The following MYO7A variants were observed in gnomAD, a reference collection of about 807,000 sequenced individuals.
MYO7A encodes myosin VIIA, also known as unconventional myosin-VIIa.
Under a neutral mutation model 263.8 loss-of-function variants are expected in MYO7A, and 210 were observed. The ratio of observed to expected loss-of-function variants is 0.80; its 90% CI spans 0.71 to 0.89. The LOEUF is 0.89. Ranked by LOEUF, MYO7A falls within the 40% of genes least tolerant of loss-of-function variation. The pLI, the probability that MYO7A is intolerant of heterozygous loss-of-function variation, is 0.00. For synonymous variants in MYO7A, 1,239 were observed against 1,197.3 expected, an observed-to-expected ratio of 1.03 and a Z score of -0.72; for missense variants, 2,820 against 2,968.3, an observed-to-expected ratio of 0.95 and a Z score of 1.16.
rs749574169 is a variant in MYO7A at position 77,130,618 on chromosome 11, G to A, written c.-17G>A. On this transcript the variant is annotated 5_prime_UTR_variant, in exon 2 of 49. Transcript: ENST00000409709. ...GTGCCTGGCCCAGTGGGCAGCAGGA[G>A]CTCCTGACTTGGGACCATGGTGATT... 1.2e-6 allele frequency: 2 copies of A among 1,612,968 alleles called. No individual in the cohort carries two copies. The highest frequency in any genetic ancestry group is 1.7e-5 in the Admixed American group (1 of 59,936).
chr11:77,159,589 TG>T, intron 10 of MYO7A, 66 bp downstream of exon 10: 1 of 1,480,582 alleles, frequency 6.8e-7, no homozygotes, highest in South Asian at 1.2e-5. Flanking sequence ...TTAAGCTCAT[TG>T]GGGGCTGGGA....
intron 8 of MYO7A, 94 bp from the exon 9 acceptor site, chr11:77,158,183 G>T: frequency 7.2e-7 from 1 of 1,394,586 alleles, no homozygotes; most frequent in East Asian, 2.7e-5. Flanking sequence ...GGCCTGTCAG[G>T]CAGAAAGGGC....
rs766641715 is a variant in MYO7A, at chr11:77,192,243, C to T, written c.4117C>T (p.Arg1373Ter). Residue 1373 changes from arginine to a stop codon, truncating the protein, a stop_gained, in exon 31 of 49, where the codon CGA (arginine) becomes TGA (stop). Coordinates refer to ENST00000409709, the MANE Select transcript of MYO7A (RefSeq NM_000260.4). LOFTEE classifies it high-confidence loss of function. Reference protein sequence around the residue: ...ATNLIYQQVVRGVKFGEYRCE... With the variant: ...ATNLIYQQVV Reference sequence around the variant, plus strand: ...CAACCTCATCTACCAGCAGGTGGTGCGAGGAGTCAAGTTTGGGGAGTACAG... The same window carrying T: ...CAACCTCATCTACCAGCAGGTGGTGTGAGGAGTCAAGTTTGGGGAGTACAG... 5.6e-6 allele frequency: 9 copies of T among 1,613,896 alleles called. No individual in the cohort carries two copies. The Admixed American group carries it at 6.7e-5, about 12-fold the overall frequency.
chr11:77,173,095 CA>C (rs1449576328), intron 16 of MYO7A, among the ~76,000 whole-genome samples: 1 of 152,230 alleles, frequency 6.6e-6, no homozygotes, highest in East Asian at 1.9e-4. Context: ...GGGGTTGCAG[CA>C]GGTTCAGATC....
chr11:77,187,746 G>T (rs1955748419), intron 27 of MYO7A, among the ~76,000 whole-genome samples: 1 of 152,360 alleles, frequency 6.6e-6, no homozygotes, highest in East Asian at 1.9e-4. Flanking sequence ...CATAGGACAG[G>T]TCTGTCGGGA....
chr11:77,174,980 A>C (rs554250284), intron 17 of MYO7A, 66 bp downstream of exon 17: 9 of 1,583,022 alleles, frequency 5.7e-6, no homozygotes, highest in Admixed American at 1.7e-5. Context: ...AAGGGTCCCA[A>C]TTTTCTTATC....
At chr11:77,194,031 G>C (rs1051156353) in intron 31 of MYO7A, 2 of 546,936 alleles carry the variant, frequency 3.7e-6, no homozygotes, top group Non-Finnish European at 7.0e-6. Flanking sequence ...CTGTCTCACA[G>C]GGCTGAGTGT....
At chr11:77,175,302 C>T (rs565872698) in intron 17 of MYO7A, 70 bp from the exon 18 acceptor site, 27 of 1,424,832 alleles carry the variant, frequency 1.9e-5, no homozygotes, top group South Asian at 2.4e-5. Flanking sequence ...CTCTCAGCCT[C>T]GGGGACACTC....
chr11:77,151,925 C>T (rs782106317), intron 4 of MYO7A, among the ~76,000 whole-genome samples: 7 of 152,188 alleles, frequency 4.6e-5, no homozygotes, highest in Non-Finnish European at 8.8e-5. Context: ...GCTCTGGTGC[C>T]AGGGTGTCTC....
chr11:77,193,883 A>G, intron 31 of MYO7A: 2 of 403,638 alleles, frequency 5.0e-6, no homozygotes, highest in South Asian at 3.6e-5. Flanking sequence ...CTGTCCCCCA[A>G]GTGCTTAACG....
Position 77,214,088 on chromosome 11 carries a change from G to T in MYO7A, c.6558+109G>T, listed in dbSNP as rs907350642. The T allele has an allele frequency of 4.8e-6, 7 of 1,462,726 alleles. No individual in the cohort carries two copies. In the African/African-American group the frequency reaches 9.7e-5, roughly 20 times the overall value. The allele number at this position is 1,462,726 out of a possible 1,614,324, so 90.6% of individuals were successfully genotyped here. On this transcript the variant is annotated intron_variant, in intron 48 of 48. Transcript: ENST00000409709. ...GTAGTGTGCGGCTGGGCCTGGGGTC[G>T]TGGGCAAGGGTCATGCTGGGGCCAA... is the stretch of plus-strand genomic sequence containing the variant.
At chr11:77,207,013 C>A in intron 41 of MYO7A, 1 of 346,982 alleles carries the variant, frequency 2.9e-6, no homozygotes, top group Non-Finnish European at 5.3e-6. Flanking sequence ...GCTGTGCTCC[C>A]TGGACCCCTC....
chr11:77,193,681 A>C (rs1452207722), intron 31 of MYO7A, among the ~76,000 whole-genome samples: 9 of 152,152 alleles, frequency 5.9e-5, no homozygotes, highest in Admixed American at 5.9e-4. Flanking sequence ...AACTGGTTGG[A>C]AAATATCTAT....
At position 77,202,333 on chromosome 11, in the gene MYO7A, G is replaced by T. The variant is rs1228469922; in HGVS notation, c.5077G>T (p.Asp1693Tyr). The change falls in exon 37 of 49, where the codon GAC becomes TAC. Residue 1693 changes from aspartate to tyrosine, a missense_variant. Physicochemically the swap from Asp to Tyr is radical, Grantham distance 160. Transcript: ENST00000409709. ...LVTMTPDQRQ[D>Y]VVRLLQLRTA... The stretch of plus-strand genomic sequence containing the variant: ...CACCATGACTCCCGATCAGAGGCAG[G>T]ACGTTGTCCGGCTCTTGCAGCTGCG... The T allele has an allele frequency of 6.3e-7, 1 of 1,583,274 alleles. No individual in the cohort carries two copies. Among genetic ancestry groups the T allele is most frequent in the Non-Finnish European group, 8.6e-7 (1 of 1,163,880 alleles).
At position 77,190,833 on chromosome 11, in the gene MYO7A, G is replaced by T. The variant is rs746051777; in HGVS notation, c.3887G>T (p.Arg1296Leu). 1.3e-6 allele frequency: 2 copies of T among 1,586,616 alleles called. No individual in the cohort carries two copies. Among genetic ancestry groups the T allele is most frequent in the Non-Finnish European group, 1.7e-6 (2 of 1,166,932 alleles). Residue 1296 changes from arginine to leucine, a missense_variant, in exon 30 of 49, where the codon CGG becomes CTG. Arg to Leu is a moderately radical substitution (Grantham distance 102). Coordinates refer to ENST00000409709, the MANE Select transcript of MYO7A (RefSeq NM_000260.4). ...ALADKISLKD[R>L]FGFSLYIALF... ...GCCGACAAGATCTCTCTCAAGGACC[G>T]GTTCGGGTTCTCCCTCTACATTGCC...
intron 28 of MYO7A, 51 bp from the exon 29 acceptor site, chr11:77,189,969 A>G: frequency 6.8e-7 from 1 of 1,466,130 alleles, no homozygotes; most frequent in Non-Finnish European, 9.1e-7. Flanking sequence ...CTGCCCTCAA[A>G]ATCCACATGG....
At chr11:77,193,406 ATGG>A in intron 31 of MYO7A, among the ~76,000 whole-genome samples, 1 of 149,076 alleles carries the variant, frequency 6.7e-6, no homozygotes, top group Non-Finnish European at 1.5e-5. Context: ...GGAGGCAGTG[ATGG>A]TGTTGGTGAT....
intron 15 of MYO7A, among the ~76,000 whole-genome samples, chr11:77,169,888 CA>C (rs1953918470): frequency 6.6e-6 from 1 of 152,026 alleles, no homozygotes; most frequent in Non-Finnish European, 1.5e-5. Context: ...CCAGCCTTGG[CA>C]AAATGGCAAA....
intron 31 of MYO7A, chr11:77,194,085 C>T: frequency 1.5e-6 from 1 of 650,038 alleles, no homozygotes; most frequent in Non-Finnish European, 2.8e-6. Context: ...TGCATCACTT[C>T]ATGTGCCCCT....
Sources: gnomAD v4.1 joint callset for allele counts (sites outside exome capture counted in the v4.1 genomes callset) on GRCh38, gnomAD v4.1.1 for gene constraint, MANE v1.5 for transcripts, NCBI Gene and HGNC (gene_info 2026-07-23, HGNC 2026-07-21) for gene names.